ING2: variants seen among roughly 807,000 people sequenced by gnomAD.
The protein encoded by ING2 is inhibitor of growth family member 2.
Under a neutral mutation model 30.6 loss-of-function variants are expected in ING2, and 7 were observed. The observed-to-expected ratio is 0.23, with a 90% CI of 0.13 to 0.43. The LOEUF is 0.43. Ranked by LOEUF, ING2 falls within the 20% of genes least tolerant of loss-of-function variation. The pLI is 1.00. For synonymous variants in ING2, 136 were observed against 121.7 expected (o/e 1.12, Z -0.78); for missense variants, 239 against 334.9 (o/e 0.71, Z 2.24).
chr4:183,509,556 CT>C (rs2111091333), intron 1 of ING2, among the ~76,000 whole-genome samples: 1 of 150,760 alleles, frequency 6.6e-6, no homozygotes, highest in South Asian at 2.1e-4. Flanking sequence ...CGCCATTCTC[CT>C]GCCTCAGCCT....
intron 1 of ING2, chr4:183,506,183 G>A (rs1734641725): frequency 7.7e-7 from 1 of 1,296,832 alleles, no homozygotes. Flanking sequence ...GGGCTGTGCG[G>A]GGGCGTTGGT....
Position 183,505,282 on chromosome 4 carries a change from G to A in ING2, c.87G>A (p.Gln29=). ...ERSRLLTCYV[Q]DYLECVESLP... is the part of the protein sequence containing the mutation. ...GCCGGCTGCTCACCTGCTACGTGCA[G>A]GACTACCTTGAGTGCGTGGAGTCGC... The change falls in exon 1 of 2, where the codon CAG becomes CAA. Residue 29 remains glutamine, a synonymous_variant. Coordinates refer to ENST00000302327, the MANE Select transcript of ING2 (RefSeq NM_001564.4). The A allele has an allele frequency of 6.3e-7, 1 of 1,582,266 alleles. No individual in the cohort carries two copies. The highest frequency in any genetic ancestry group is 8.6e-7 in the Non-Finnish European group (1 of 1,165,444).
chr4:183,505,494 A>G (rs1282321537), intron 1 of ING2, 127 bp downstream of exon 1: 1 of 964,144 alleles, frequency 1.0e-6, no homozygotes, highest in Non-Finnish European at 1.5e-6. Context: ...CGGGACTGGG[A>G]GGACTGGAGA....
At chr4:183,506,769 T>C (rs909285752) in intron 1 of ING2, among the ~76,000 whole-genome samples, 1 of 143,424 alleles carries the variant, frequency 7.0e-6, no homozygotes, top group South Asian at 2.2e-4. Flanking sequence ...ATAGGATTCA[T>C]AGGACTGATC....
chr4:183,506,850 C>A lies in ING2; in HGVS notation c.172+1483C>A, dbSNP rs73870580. ...GGTCCAGACCATTATATAAATATTT[C>A]TTTTACAGATTACAAAGAGTTCAAG... On this transcript the variant is annotated intron_variant, in intron 1 of 1. Coordinates refer to ENST00000302327, the MANE Select transcript of ING2 (RefSeq NM_001564.4). Among the ~76,000 whole-genome samples, 504 of 152,230 alleles carry A rather than the reference C, an allele frequency of 3.3e-3. 3 individuals carry two copies. The highest frequency in any genetic ancestry group is 0.012 in the African/African-American group (485 of 41,534).
At chr4:183,509,035 T>C (rs1257205355) in intron 1 of ING2, among the ~76,000 whole-genome samples, 2 of 152,234 alleles carry the variant, frequency 1.3e-5, no homozygotes, top group Non-Finnish European at 2.9e-5. Context: ...GTTAGTGGTT[T>C]GGTCAGTTGA....
At chr4:183,509,760 G>GTTTT (rs1734772879) in intron 1 of ING2, among the ~76,000 whole-genome samples, 1 of 115,604 alleles carries the variant, frequency 8.7e-6, no homozygotes, top group Non-Finnish European at 1.7e-5. Context: ...TTGAGATGGA[G>GTTTT]TTTTGCTCTG....
At chr4:183,509,192 C>T (rs1734754550) in intron 1 of ING2, among the ~76,000 whole-genome samples, 1 of 152,176 alleles carries the variant, frequency 6.6e-6, no homozygotes, top group Non-Finnish European at 1.5e-5. Context: ...GAAAGTGAAG[C>T]TATATCTCCG....
At position 183,511,063 on chromosome 4, in the gene ING2, G is replaced by T. The variant is rs1455762519; in HGVS notation, c.*111G>T. 2.4e-6 allele frequency: 2 copies of T among 830,438 alleles called. No individual in the cohort carries two copies. Among genetic ancestry groups the T allele is most frequent in the Non-Finnish European group, 3.6e-6 (2 of 549,022 alleles). 51.4% of individuals were successfully genotyped at this position (830,438 alleles called of 1,614,324 possible). On this transcript the variant is annotated 3_prime_UTR_variant, in exon 2 of 2. Coordinates refer to ENST00000302327, the MANE Select transcript of ING2 (RefSeq NM_001564.4). Reference sequence around the variant, plus strand: ...ACTATGCAATAATTTTTAATCATTAGTATTAATGGTGTATTAAAAGTTGTT... The same window carrying T: ...ACTATGCAATAATTTTTAATCATTATTATTAATGGTGTATTAAAAGTTGTT...
intron 1 of ING2, chr4:183,506,128 G>A: frequency 8.1e-7 from 1 of 1,232,526 alleles, no homozygotes; most frequent in African/African-American, 1.6e-5. Flanking sequence ...AAAATGGCTG[G>A]TCGCGAGAGG....
chr4:183,505,745 G>A (rs889704971), intron 1 of ING2, among the ~76,000 whole-genome samples: 2 of 152,092 alleles, frequency 1.3e-5, no homozygotes, highest in Non-Finnish European at 2.9e-5. Context: ...GTGAGCGGCC[G>A]GGCTCCCGCT....
intron 1 of ING2, among the ~76,000 whole-genome samples, chr4:183,508,737 T>A (rs972065250): frequency 6.6e-6 from 1 of 152,218 alleles, no homozygotes; most frequent in South Asian, 2.1e-4. Flanking sequence ...TGCCATGTGG[T>A]ATGAAAAATA....
intron 1 of ING2, among the ~76,000 whole-genome samples, chr4:183,508,080 T>G (rs72689384): frequency 0.031 from 4,670 of 152,068 alleles, 143 homozygotes; most frequent in East Asian, 0.17. Context: ...CTGGCACAGT[T>G]CAAAGTCTGG....
rs912626608 is a variant in ING2 at position 183,505,187 on chromosome 4, A to G, written c.-9A>G. The G allele has an allele frequency of 5.0e-6, 8 of 1,593,270 alleles. No homozygotes were observed. Among genetic ancestry groups the G allele is most frequent in the Non-Finnish European group, 6.0e-6 (7 of 1,171,930 alleles). ...TGCGGAGGCGGCGGCGACGGCGCGG[A>G]TCGGCAGGATGTTAGGGCAGCAGCA... On this transcript the variant is annotated 5_prime_UTR_variant, in exon 1 of 2. Coordinates refer to ENST00000302327, the MANE Select transcript of ING2 (RefSeq NM_001564.4).
Position 183,505,330 on chromosome 4 carries a change from C to T in ING2, c.135C>T (p.Asn45=). Residue 45 remains asparagine (N), a synonymous_variant, in exon 1 of 2, where the codon AAC becomes AAT. Coordinates refer to ENST00000302327, the MANE Select transcript of ING2 (RefSeq NM_001564.4). The part of the protein sequence containing the change: ...VESLPHDMQR[N]VSVLRELDNK... ...CGCTGCCCCACGACATGCAGAGGAA[C>T]GTGTCTGTGCTGCGAGAGCTGGACA... is the stretch of plus-strand genomic sequence containing the variant. The T allele has an allele frequency of 6.5e-7, 1 of 1,548,020 alleles. No homozygotes were observed. The highest frequency in any genetic ancestry group is 8.7e-7 in the Non-Finnish European group (1 of 1,146,820).
At position 183,505,325 on chromosome 4, in the gene ING2, A is replaced by G; in HGVS notation, c.130A>G (p.Arg44Gly). Residue 44 changes from arginine (R) to glycine (G), a missense_variant, in exon 1 of 2, where the codon AGG becomes GGG. Coordinates refer to ENST00000302327, the MANE Select transcript of ING2 (RefSeq NM_001564.4). ...CVESLPHDMQ[R>G]NVSVLRELDN... is the part of the protein sequence containing the mutation. ...GGAGTCGCTGCCCCACGACATGCAGAGGAACGTGTCTGTGCTGCGAGAGCT... is the reference window on the plus strand; with the variant it reads ...GGAGTCGCTGCCCCACGACATGCAGGGGAACGTGTCTGTGCTGCGAGAGCT... 1.3e-6 allele frequency: 2 copies of G among 1,551,108 alleles called. No homozygotes were observed. The highest frequency in any genetic ancestry group is 1.4e-5 in the African/African-American group (1 of 72,552).
At chr4:183,508,846 A>G (rs906236769) in intron 1 of ING2, among the ~76,000 whole-genome samples, 1 of 152,210 alleles carries the variant, frequency 6.6e-6, no homozygotes, top group Non-Finnish European at 1.5e-5. Context: ...TTTTGGTGAC[A>G]TCTGAAATTA....
rs1267344155 is a variant in ING2, at chr4:183,511,566, A to G, written c.*614A>G. Among the ~76,000 whole-genome samples, 1 of 152,162 alleles carries G rather than the reference A, an allele frequency of 6.6e-6. No individual in the cohort carries two copies. The highest frequency in any genetic ancestry group is 1.9e-4 in the East Asian group (1 of 5,194). On this transcript the variant is annotated 3_prime_UTR_variant, in exon 2 of 2. Transcript: ENST00000302327. ...CATTTTGATCCACTGTCAGTAGCCC[A>G]TTTGTCAATGCCTTGCTGCTGCTTT...
At chr4:183,507,390 C>T (rs1269331208) in intron 1 of ING2, among the ~76,000 whole-genome samples, 1 of 152,202 alleles carries the variant, frequency 6.6e-6, no homozygotes, top group Admixed American at 6.5e-5. Context: ...CGTGAGCCAC[C>T]GCGCCCAGCA....
Sources: gnomAD v4.1 joint callset for allele counts (sites outside exome capture counted in the v4.1 genomes callset) on GRCh38, gnomAD v4.1.1 for gene constraint, MANE v1.5 for transcripts, NCBI Gene and HGNC (gene_info 2026-07-23, HGNC 2026-07-21) for gene names.